The following PTPRT variants were observed in gnomAD, a reference collection of about 807,000 sequenced individuals.
PTPRT encodes the protein protein tyrosine phosphatase receptor type T, also known as receptor-type tyrosine-protein phosphatase T.
Under a neutral mutation model 176.8 loss-of-function variants are expected in PTPRT, and 56 were observed. The ratio of observed to expected loss-of-function variants is 0.32; its 90% CI spans 0.26 to 0.40. The LOEUF (loss-of-function observed/expected upper bound fraction) is 0.40, where lower values mean the gene tolerates loss of function less well. Ranked by LOEUF, PTPRT falls within the 10% of genes least tolerant of loss-of-function variation. PTPRT has a pLI of 1.00. For missense variants in PTPRT, 1,540 were observed against 1,908.2 expected (o/e 0.81, Z 3.60); for synonymous variants, 783 against 739.0 (o/e 1.06, Z -0.96).
chr20:42,657,848 C>G (rs2039578921), intron 7 of PTPRT, among the ~76,000 whole-genome samples: 1 of 151,940 alleles, frequency 6.6e-6, no homozygotes, highest in Non-Finnish European at 1.5e-5. Flanking sequence ...TCTGTACTGG[C>G]TGTAACACCT....
rs761334315 is a variant in PTPRT, at chr20:42,084,775, G to T, written c.4043C>A (p.Pro1348His). Reference sequence around the variant, plus strand: ...CACTTTGAGCAGAGAGCGCTTGGAGGGGGGCGTGTCCCGGTAGGCAGGCCA... The same window carrying T: ...CACTTTGAGCAGAGAGCGCTTGGAGTGGGGCGTGTCCCGGTAGGCAGGCCA... ...IGWPAYRDTP[P>H]SKRSLLKVVR... The change falls in exon 29 of 31, where the codon CCC (proline) becomes CAC (histidine). Residue 1348 changes from proline to histidine, a missense_variant. Coordinates refer to ENST00000373187, the MANE Select transcript of PTPRT (RefSeq NM_007050.6). The T allele has an allele frequency of 3.8e-6, 6 of 1,559,736 alleles. No individual in the cohort carries two copies. The Admixed American group carries it at 7.1e-5, about 18-fold the overall frequency.
chr20:42,275,439 C>A (rs2057012775), intron 13 of PTPRT, among the ~76,000 whole-genome samples: 1 of 152,146 alleles, frequency 6.6e-6, no homozygotes. Context: ...GTAGATAATT[C>A]TTATTTCTAG....
In PTPRT at chr20:43,172,004, AAGGG is replaced by A. The variant is rs537969679; in HGVS notation, c.88+17638_88+17641del. ...TCCTGGAACCCAGCGCAGTACAGAG[AAGGG>A]CTCCATTAACACAATTCCCTCCCCT... On this transcript the variant is annotated intron_variant, in intron 1 of 30. Transcript: ENST00000373187. 1.5e-3 allele frequency among the ~76,000 whole-genome samples: 226 copies of A among 152,270 alleles called. 1 individual carries two copies. Among genetic ancestry groups the A allele is most frequent in the African/African-American group, 5.2e-3 (218 of 41,534 alleles).
intron 1 of PTPRT, among the ~76,000 whole-genome samples, chr20:42,948,842 C>G (rs146445812): frequency 1.2e-3 from 180 of 152,330 alleles, no homozygotes; most frequent in African/African-American, 4.2e-3. Flanking sequence ...ATCTGTATCA[C>G]CAGGCCTGAT....
At chr20:42,878,242 A>G (rs2078966072) in intron 2 of PTPRT, among the ~76,000 whole-genome samples, 1 of 152,250 alleles carries the variant, frequency 6.6e-6, no homozygotes. Context: ...AGTCATTGCA[A>G]TGGGAAACTA....
chr20:42,993,621 T>A (rs559401345), intron 1 of PTPRT, among the ~76,000 whole-genome samples: 1 of 150,582 alleles, frequency 6.6e-6, no homozygotes, highest in Non-Finnish European at 1.5e-5. Flanking sequence ...CCTTTCAGTT[T>A]ATTTACATAT....
chr20:42,477,211 C>T (rs2071305345), intron 7 of PTPRT, among the ~76,000 whole-genome samples: 1 of 152,088 alleles, frequency 6.6e-6, no homozygotes, highest in South Asian at 2.1e-4. Context: ...CTGCAACAGA[C>T]CATGTTCTGT....
intron 2 of PTPRT, among the ~76,000 whole-genome samples, chr20:42,834,090 A>G (rs1050889829): frequency 2.0e-5 from 2 of 97,926 alleles, no homozygotes; most frequent in Admixed American, 9.5e-5. Context: ...ATAGGCTGGG[A>G]AAAAAAAATT....
intron 20 of PTPRT, 143 bp downstream of exon 20, chr20:42,119,792 C>T (rs1987488281): frequency 3.0e-6 from 2 of 663,386 alleles, no homozygotes; most frequent in Non-Finnish European, 4.9e-6. Flanking sequence ...AAACTCATTC[C>T]TCTCCTCCAG....
intron 11 of PTPRT, among the ~76,000 whole-genome samples, chr20:42,322,907 T>G (rs2057822247): frequency 6.6e-6 from 1 of 151,634 alleles, no homozygotes; most frequent in Admixed American, 6.6e-5. Context: ...TCAAACAAAT[T>G]TACAAGAAAA....
rs149572446 is a variant in PTPRT at position 42,799,806 on chromosome 20, T to C, written c.215-8340A>G. Among the ~76,000 whole-genome samples the C allele has an allele frequency of 5.5e-3, 842 of 152,302 alleles. 39 individuals carry two copies. The highest frequency in any genetic ancestry group is 0.047 in the Admixed American group (719 of 15,302). ...TTTCTTCACGTGCAAAACAGGTATA[T>C]ATACAGGTAGAGGTTTTAAAGTTCC... On this transcript the variant is annotated intron_variant, in intron 2 of 30. Transcript: ENST00000373187.
chr20:42,577,996 C>T (rs1048601035), intron 7 of PTPRT, among the ~76,000 whole-genome samples: 2 of 150,008 alleles, frequency 1.3e-5, no homozygotes, highest in Non-Finnish European at 3.0e-5. Flanking sequence ...TGTGTGAATT[C>T]CCATTAGGAG....
At chr20:42,612,728 A>G (rs773690283) in intron 7 of PTPRT, among the ~76,000 whole-genome samples, 4 of 152,054 alleles carry the variant, frequency 2.6e-5, no homozygotes, top group Non-Finnish European at 4.4e-5. Context: ...TTAAGACATT[A>G]TATATTGAAA....
intron 7 of PTPRT, among the ~76,000 whole-genome samples, chr20:42,491,960 T>C (rs2071568148): frequency 6.6e-6 from 1 of 152,194 alleles, no homozygotes; most frequent in Non-Finnish European, 1.5e-5. Context: ...TGACTCAGCA[T>C]AATTTTTCAC....
At chr20:43,115,059 T>C (rs2013006033) in intron 1 of PTPRT, among the ~76,000 whole-genome samples, 1 of 152,174 alleles carries the variant, frequency 6.6e-6, no homozygotes, top group South Asian at 2.1e-4. Context: ...CATATATAGA[T>C]GTGTGGGAAG....
intron 12 of PTPRT, among the ~76,000 whole-genome samples, chr20:42,285,996 A>G (rs541099778): frequency 6.6e-6 from 1 of 152,106 alleles, no homozygotes; most frequent in Admixed American, 6.6e-5. Context: ...ATAACTACCA[A>G]AAGTAATAAA....
chr20:43,089,206 C>T (rs2011725390), intron 1 of PTPRT, among the ~76,000 whole-genome samples: 1 of 152,174 alleles, frequency 6.6e-6, no homozygotes, highest in Non-Finnish European at 1.5e-5. Flanking sequence ...AGATACTAAG[C>T]ACTTGCTCAA....
intron 7 of PTPRT, among the ~76,000 whole-genome samples, chr20:42,642,022 A>C (rs1411392383): frequency 6.6e-6 from 1 of 152,176 alleles, no homozygotes; most frequent in Non-Finnish European, 1.5e-5. Context: ...AGGGAACTAC[A>C]AGGTTATTAA....
chr20:42,649,376 T>C (rs2074986676), intron 7 of PTPRT, among the ~76,000 whole-genome samples: 1 of 152,094 alleles, frequency 6.6e-6, no homozygotes, highest in South Asian at 2.1e-4. Flanking sequence ...ACGTGGGAAT[T>C]GTGGGAGCTA....
Sources: allele counts gnomAD v4.1 joint callset (sites outside exome capture counted in the v4.1 genomes callset), GRCh38; gene constraint gnomAD v4.1.1; transcripts MANE v1.5; gene names NCBI Gene and HGNC (gene_info 2026-07-23, HGNC 2026-07-21).